The following UNC79 variants were observed in gnomAD, a reference collection of about 807,000 sequenced individuals.
UNC79 encodes protein unc-79 homolog.
UNC79 carries 37 observed loss-of-function variants against 283.1 expected under a neutral mutation model. The observed-to-expected ratio is 0.13, with a 90% CI of 0.10 to 0.17. The LOEUF (loss-of-function observed/expected upper bound fraction) is 0.17, where lower values mean the gene tolerates loss of function less well. Ranked by LOEUF, UNC79 falls within the 10% of genes least tolerant of loss-of-function variation. UNC79 has a pLI of 1.00. For missense variants in UNC79, 2,272 were observed against 3,211.1 expected (o/e 0.71, Z 7.07); for synonymous variants, 1,107 against 1,200.2 (o/e 0.92, Z 1.61).
chr14:93,397,650 G>A (rs1374079840), intron 1 of UNC79, among the ~76,000 whole-genome samples: 1 of 152,022 alleles, frequency 6.6e-6, no homozygotes, highest in African/African-American at 2.4e-5. Flanking sequence ...AGTTTGAGAT[G>A]AGCCTGGGCA....
At chr14:93,383,545 C>T (rs1234949919) in intron 1 of UNC79, among the ~76,000 whole-genome samples, 2 of 152,156 alleles carry the variant, frequency 1.3e-5, no homozygotes, top group Non-Finnish European at 2.9e-5. Flanking sequence ...ATATGCATAT[C>T]TTAATTTAAA....
intron 25 of UNC79, among the ~76,000 whole-genome samples, chr14:93,602,605 G>A (rs1452881745): frequency 1.3e-5 from 2 of 152,038 alleles, no homozygotes; most frequent in African/African-American, 2.4e-5. Context: ...TGGTTCCGTA[G>A]GAATTTTAGA....
In UNC79 at chr14:93,694,323, T is replaced by C. The variant is rs1334127443; in HGVS notation, c.7471-12T>C. The C allele has an allele frequency of 6.2e-7, 1 of 1,605,348 alleles. No individual in the cohort carries two copies. The highest frequency in any genetic ancestry group is 8.5e-7 in the Non-Finnish European group (1 of 1,172,796). On this transcript the variant is annotated splice_polypyrimidine_tract_variant and intron_variant, in intron 46 of 48. Transcript: ENST00000555664. ...CTGGAAATGGAATTAACTTTCATGT[T>C]TGTTGTTTCAGATGGTAGAAATGGT...
chr14:93,458,197 A>G (rs2056848393), intron 1 of UNC79, among the ~76,000 whole-genome samples: 1 of 152,258 alleles, frequency 6.6e-6, no homozygotes, highest in African/African-American at 2.4e-5. Context: ...GTGCAAGAAG[A>G]AACCAATAAA....
At chr14:93,414,571 A>C (rs2055411345) in intron 1 of UNC79, among the ~76,000 whole-genome samples, 1 of 152,152 alleles carries the variant, frequency 6.6e-6, no homozygotes, top group African/African-American at 2.4e-5. Flanking sequence ...GAAGAAAGTC[A>C]TTGGTAGCTT....
intron 31 of UNC79, among the ~76,000 whole-genome samples, chr14:93,633,334 T>TG (rs1370516805): frequency 3.9e-5 from 6 of 152,210 alleles, no homozygotes; most frequent in African/African-American, 1.4e-4. Flanking sequence ...ATTTCGTAGC[T>TG]AAACGTGTTG....
At position 93,592,031 on chromosome 14, in the gene UNC79, C is replaced by T. The variant is rs576042221; in HGVS notation, c.3033-1649C>T. 3.9e-5 allele frequency among the ~76,000 whole-genome samples: 6 copies of T among 152,058 alleles called. No individual in the cohort carries two copies. In the South Asian group the frequency reaches 1.2e-3, roughly 32 times the overall value. ...TTCCTCTCCACTGTGAGTGGCGCCA[C>T]GTATGGTCTGTAAATGTTTGTGTGT... On this transcript the variant is annotated intron_variant, in intron 22 of 48. Transcript: ENST00000555664.
In UNC79 at chr14:93,408,108, C is replaced by T. The variant is rs148922867; in HGVS notation, c.-350-59563C>T. On this transcript the variant is annotated intron_variant, in intron 1 of 49. Coordinates refer to the UNC79 transcript ENST00000256339. ...CAAGAAAAAACACAGTCTGAAAAGA[C>T]AAAGCAAGCATCAGTACCAGACTCG... is the stretch of plus-strand genomic sequence containing the variant. Among the ~76,000 whole-genome samples the T allele has an allele frequency of 6.6e-5, 10 of 152,234 alleles. No homozygotes were observed. The East Asian group carries it at 1.7e-3, about 26-fold the overall frequency.
intron 1 of UNC79, among the ~76,000 whole-genome samples, chr14:93,347,691 C>T (rs1365425915): frequency 2.6e-5 from 4 of 151,914 alleles, no homozygotes; most frequent in African/African-American, 9.7e-5. Context: ...GGCTCGGGGG[C>T]GGGGCTGTGG....
At chr14:93,562,815 C>T (rs952732528) in intron 14 of UNC79, among the ~76,000 whole-genome samples, 9 of 152,142 alleles carry the variant, frequency 5.9e-5, no homozygotes, top group African/African-American at 2.2e-4. Flanking sequence ...AAAGTGTCTA[C>T]CCAGACCAAG....
At chr14:93,390,833 A>C (rs939403982) in intron 1 of UNC79, among the ~76,000 whole-genome samples, 3 of 152,202 alleles carry the variant, frequency 2.0e-5, no homozygotes, top group African/African-American at 7.2e-5. Context: ...AGATTCATAG[A>C]CTGCAAAACT....
intron 1 of UNC79, among the ~76,000 whole-genome samples, chr14:93,423,002 G>T (rs1375991568): frequency 7.0e-6 from 1 of 142,238 alleles, no homozygotes; most frequent in Non-Finnish European, 1.5e-5. Context: ...GGTGGAGCTT[G>T]CAGTGAGTTG....
chr14:93,670,078 G>A (rs2072669776), intron 40 of UNC79, among the ~76,000 whole-genome samples: 1 of 152,110 alleles, frequency 6.6e-6, no homozygotes, highest in Non-Finnish European at 1.5e-5. Flanking sequence ...TCTGGGAGGT[G>A]ATTACATGAG....
At chr14:93,347,278 C>T (rs779883921) in intron 1 of UNC79, 15 of 1,604,582 alleles carry the variant, frequency 9.3e-6, no homozygotes, top group African/African-American at 1.3e-5. Flanking sequence ...TATGCCTCTC[C>T]TGCGTGGGCG....
At chr14:93,634,448 A>G (rs146312280) in intron 31 of UNC79, 73 bp from the exon 34 acceptor site, 231 of 1,101,214 alleles carry the variant, frequency 2.1e-4, no homozygotes, top group Non-Finnish European at 2.9e-4. Context: ...TTAAAATTCT[A>G]TATGGATGTG....
At chr14:93,538,821 A>AC (rs2061222526) in intron 12 of UNC79, among the ~76,000 whole-genome samples, 2 of 151,050 alleles carry the variant, frequency 1.3e-5, no homozygotes, top group Admixed American at 6.6e-5. Context: ...AAAAAAAAAA[A>AC]AGCAATTGAA....
At chr14:93,412,054 A>G (rs540609247) in intron 1 of UNC79, among the ~76,000 whole-genome samples, 3 of 152,348 alleles carry the variant, frequency 2.0e-5, no homozygotes, top group African/African-American at 7.2e-5. Flanking sequence ...AACACAGACA[A>G]GGAATTCAGA....
At position 93,627,421 on chromosome 14, in the gene UNC79, A is replaced by G. The variant is rs910094045; in HGVS notation, c.5609-3380A>G. Among the ~76,000 whole-genome samples, 6 of 152,306 alleles carry G rather than the reference A, an allele frequency of 3.9e-5. No homozygotes were observed. The East Asian group carries it at 7.7e-4, about 20-fold the overall frequency. ...TGTAACAAACACCTCAGCAGCTTAC[A>G]ACAAGTATTTATTTAGTTCGAGAGT... is the stretch of plus-strand genomic sequence containing the variant. On this transcript the variant is annotated intron_variant, in intron 30 of 48. Transcript: ENST00000555664.
intron 1 of UNC79, among the ~76,000 whole-genome samples, chr14:93,336,074 ACCCC>A (rs575145540): frequency 6.6e-6 from 1 of 151,352 alleles, no homozygotes; most frequent in Non-Finnish European, 1.5e-5. Context: ...CTTCCTTTGT[ACCCC>A]CCTTTTTTAC....
Sources: gnomAD v4.1 joint callset for allele counts (sites outside exome capture counted in the v4.1 genomes callset) on GRCh38, gnomAD v4.1.1 for gene constraint, MANE v1.5 for transcripts, NCBI Gene and HGNC (gene_info 2026-07-23, HGNC 2026-07-21) for gene names.